The following MAP2K6 variants were observed in gnomAD, a reference collection of about 807,000 sequenced individuals.
The protein encoded by MAP2K6 is mitogen-activated protein kinase kinase 6.
Under a neutral mutation model 53.7 loss-of-function variants are expected in MAP2K6, and 16 were observed. The observed-to-expected ratio is 0.30, with a 90% CI of 0.20 to 0.45. MAP2K6 has a LOEUF of 0.45. MAP2K6 is among the 20% of genes least tolerant of loss of function. The pLI, the probability that MAP2K6 is intolerant of heterozygous loss-of-function variation, is 1.00. For synonymous variants in MAP2K6, 132 were observed against 143.1 expected, an observed-to-expected ratio of 0.92 and a Z score of 0.55; for missense variants, 204 against 411.9, an observed-to-expected ratio of 0.50 and a Z score of 4.37.
rs1336079528 is a variant in MAP2K6, at chr17:69,502,273, T to G, written c.17-3507T>G. On this transcript the variant is annotated intron_variant, in intron 1 of 11. Coordinates refer to ENST00000590474, the MANE Select transcript of MAP2K6 (RefSeq NM_002758.4). ...GGTGGAGTCTGTTCAGTTCTGTTTC[T>G]CCTTGCCGAAGTGTGGTCTTTGGAG... The G allele has an allele frequency of 5.1e-6, 5 of 985,336 alleles. No individual in the cohort carries two copies. The South Asian group carries it at 2.3e-4, about 46-fold the overall frequency. The allele number at this position is 985,336 out of a possible 1,614,324, so 61.0% of individuals were successfully genotyped here.
chr17:69,516,671 T>A (rs1179106588), intron 2 of MAP2K6, among the ~76,000 whole-genome samples, 184 bp from the exon 3 acceptor site: 1 of 152,250 alleles, frequency 6.6e-6, no homozygotes, highest in African/African-American at 2.4e-5. Flanking sequence ...AGAGATTAAG[T>A]GATTTAAACC....
rs1905850576 is a variant in MAP2K6, at chr17:69,414,914, A to C, written c.-71A>C. On this transcript the variant is annotated 5_prime_UTR_variant, in exon 1 of 12. Coordinates refer to ENST00000590474, the MANE Select transcript of MAP2K6 (RefSeq NM_002758.4). The stretch of plus-strand genomic sequence containing the variant: ...CGCCTGCAGCTTGCATCTTTGTTGC[A>C]AAACTAGCTACAGAAGAGAAGCAAG... 1 of 1,437,686 alleles carries C rather than the reference A, an allele frequency of 7.0e-7. No individual in the cohort carries two copies. The highest frequency in any genetic ancestry group is 1.4e-5 in the African/African-American group (1 of 70,520). 89.1% of individuals were successfully genotyped at this position (1,437,686 alleles called of 1,614,324 possible).
rs1225623863 is a variant in MAP2K6, at chr17:69,517,523, C to T, written c.156C>T (p.Asp52=). ...GNQNFEVKAD[D]LEPIMELGRG... The stretch of plus-strand genomic sequence containing the variant: ...AGAACTTTGAGGTGAAGGCAGATGA[C>T]CTGGAGCCTATAATGGAACTGGGAC... Residue 52 remains aspartate, a synonymous_variant, in exon 4 of 12, where the codon GAC becomes GAT. Coordinates refer to ENST00000590474, the MANE Select transcript of MAP2K6 (RefSeq NM_002758.4). 6.2e-7 allele frequency: 1 copy of T among 1,608,718 alleles called. No homozygotes were observed. Among genetic ancestry groups the T allele is most frequent in the Non-Finnish European group, 8.5e-7 (1 of 1,177,140 alleles).
At chr17:69,485,230 C>G (rs900027477) in intron 1 of MAP2K6, 3 of 152,216 alleles carry the variant, frequency 2.0e-5, no homozygotes, top group Admixed American at 2.0e-4. Flanking sequence ...GTATCCCATA[C>G]TCACATCTCA....
intron 6 of MAP2K6, 178 bp downstream of exon 6, chr17:69,520,564 A>C: frequency 1.8e-6 from 1 of 557,708 alleles, no homozygotes; most frequent in South Asian, 2.5e-5. Context: ...TGTGTAGAAG[A>C]TTCTAGCACT....
chr17:69,443,911 G>T (rs1338121305), intron 1 of MAP2K6, among the ~76,000 whole-genome samples: 1 of 152,188 alleles, frequency 6.6e-6, no homozygotes, highest in Non-Finnish European at 1.5e-5. Context: ...AGCAAAGGAG[G>T]CATAAACATG....
chr17:69,473,904 C>T (rs1289224415), intron 1 of MAP2K6, among the ~76,000 whole-genome samples: 2 of 152,304 alleles, frequency 1.3e-5, no homozygotes, highest in East Asian at 1.9e-4. Flanking sequence ...TATGTGTGAT[C>T]GTAAGCCAGA....
At chr17:69,425,242 T>C (rs1056983112) in intron 1 of MAP2K6, among the ~76,000 whole-genome samples, 2 of 152,200 alleles carry the variant, frequency 1.3e-5, no homozygotes, top group Non-Finnish European at 2.9e-5. Context: ...GAAACTGGAA[T>C]TGCCTGTTTT....
At chr17:69,449,529 T>TTTTCTTTCTTTC (rs1368624796) in intron 1 of MAP2K6, among the ~76,000 whole-genome samples, 76 of 101,374 alleles carry the variant, frequency 7.5e-4, no homozygotes, top group Admixed American at 5.2e-3. Context: ...CTTTCTTTCT[T>TTTTCTTTCTTTC]TGTCTTTCTT....
chr17:69,534,978 CTT>C (rs561587561), intron 10 of MAP2K6, among the ~76,000 whole-genome samples: 2 of 142,244 alleles, frequency 1.4e-5, no homozygotes, highest in Middle Eastern at 3.6e-3. Flanking sequence ...CTTTCTTTTT[CTT>C]TTTTTTTTTT....
intron 6 of MAP2K6, chr17:69,520,768 T>C: frequency 2.5e-6 from 1 of 406,302 alleles, no homozygotes; most frequent in East Asian, 4.0e-5. Context: ...TCTTCTACCT[T>C]CATGGCTATT....
In MAP2K6 at chr17:69,475,740, A is replaced by G. The variant is rs888664109; in HGVS notation, c.17-30040A>G. The stretch of plus-strand genomic sequence containing the variant: ...ATCTCCAGGTAGCTCACCCTCCTCC[A>G]TGGGATGGTGTGTTTGAGAGGGGGC... On this transcript the variant is annotated intron_variant, in intron 1 of 11. Coordinates refer to ENST00000590474, the MANE Select transcript of MAP2K6 (RefSeq NM_002758.4). 3.9e-5 allele frequency among the ~76,000 whole-genome samples: 6 copies of G among 151,952 alleles called. No individual in the cohort carries two copies. In the South Asian group the frequency reaches 1.2e-3, roughly 32 times the overall value.
intron 1 of MAP2K6, chr17:69,477,160 C>T (rs2145187548): frequency 6.6e-6 from 1 of 152,266 alleles, no homozygotes; most frequent in South Asian, 2.1e-4. Context: ...ACTTATTTGT[C>T]AATGTGATCC....
intron 4 of MAP2K6, among the ~76,000 whole-genome samples, chr17:69,519,048 C>T (rs1910325706): frequency 6.6e-6 from 1 of 152,198 alleles, no homozygotes; most frequent in African/African-American, 2.4e-5. Flanking sequence ...TGTTTTCATA[C>T]CTTGGAAATA....
intron 1 of MAP2K6, among the ~76,000 whole-genome samples, chr17:69,497,600 C>T (rs1908998820): frequency 6.6e-6 from 1 of 151,452 alleles, no homozygotes; most frequent in Admixed American, 6.6e-5. Flanking sequence ...CTTTTTACAT[C>T]TGAAATTTAA....
Position 69,545,338 on chromosome 17 carries a change from A to T in MAP2K6, c.*3585A>T, listed in dbSNP as rs1435855915. On this transcript the variant is annotated 3_prime_UTR_variant, in exon 12 of 12. Transcript: ENST00000590474. ...AAGTGAAAGTCACCTATCTTCTATG[A>T]TTGAAGGTCCTGATGTGGGGGAATA... 6.6e-6 allele frequency: 1 copy of T among 152,208 alleles called. No individual in the cohort carries two copies. Among genetic ancestry groups the T allele is most frequent in the Non-Finnish European group, 1.5e-5 (1 of 68,040 alleles). 9.4% of individuals were successfully genotyped at this position (152,208 alleles called of 1,614,324 possible). A position where few individuals can be genotyped will look rare whatever the true frequency, so the allele number is the denominator to read the frequency against.
intron 11 of MAP2K6, among the ~76,000 whole-genome samples, chr17:69,540,900 C>T (rs947343069): frequency 6.6e-6 from 1 of 152,200 alleles, no homozygotes; most frequent in African/African-American, 2.4e-5. Flanking sequence ...GCGAGGGCTA[C>T]CTTCCTTGCA....
At chr17:69,427,294 G>A (rs1266496344) in intron 1 of MAP2K6, among the ~76,000 whole-genome samples, 1 of 152,128 alleles carries the variant, frequency 6.6e-6, no homozygotes, top group Non-Finnish European at 1.5e-5. Flanking sequence ...GTTCTGGAAA[G>A]TTCTTCGTAT....
chr17:69,502,230 A>C (rs928212164), intron 1 of MAP2K6: 1 of 985,316 alleles, frequency 1.0e-6, no homozygotes, highest in Admixed American at 6.2e-5. Context: ...GTTTGCTGCA[A>C]TCCGAACTTG....
Sources: allele counts gnomAD v4.1 joint callset (sites outside exome capture counted in the v4.1 genomes callset), GRCh38; gene constraint gnomAD v4.1.1; transcripts MANE v1.5; gene names NCBI Gene and HGNC (gene_info 2026-07-23, HGNC 2026-07-21).